Variants in MARF1 observed in about 807,000 individuals in gnomAD.
MARF1 encodes the protein meiosis regulator and mRNA stability factor 1.
Under a neutral mutation model 168.2 loss-of-function variants are expected in MARF1, and 24 were observed. The observed-to-expected ratio is 0.14, with a 90% confidence interval of 0.10 to 0.20. The LOEUF (loss-of-function observed/expected upper bound fraction) is 0.20. MARF1 is among the 10% of genes least tolerant of loss of function. MARF1 has a pLI of 1.00. For missense variants in MARF1, 1,744 were observed against 2,143.6 expected (o/e 0.81, Z 3.68); for synonymous variants, 868 against 822.4 (o/e 1.06, Z -0.95).
At chr16:15,635,098 G>T in intron 3 of MARF1, 167 bp from the exon 4 acceptor site, 1 of 571,616 alleles carries the variant, frequency 1.7e-6, no homozygotes, top group Non-Finnish European at 3.0e-6. Flanking sequence ...TTAGCTATCA[G>T]TTCATAAATT....
At chr16:15,599,067 C>G in intron 25 of MARF1, 43 bp from the exon 26 acceptor site, 1 of 1,588,092 alleles carries the variant, frequency 6.3e-7, no homozygotes, top group Non-Finnish European at 8.6e-7. Context: ...GACCTCCACG[C>G]CCACCCCCAG....
At chr16:15,613,688 T>TAAATAAATAAAA (rs1218152752) in intron 16 of MARF1, among the ~76,000 whole-genome samples, 1 of 143,940 alleles carries the variant, frequency 6.9e-6, no homozygotes, top group African/African-American at 2.6e-5. Context: ...AATAAATAAA[T>TAAATAAATAAAA]AAAATAAAAT....
rs949052348 is a variant in MARF1 at position 15,631,492 on chromosome 16, C to T, written c.1240G>A (p.Val414Ile). 4.4e-6 allele frequency: 7 copies of T among 1,606,832 alleles called. No individual in the cohort carries two copies. Among genetic ancestry groups the T allele is most frequent in the African/African-American group, 1.3e-5 (1 of 74,816 alleles). Residue 414 changes from valine (V) to isoleucine (I), a missense_variant, in exon 6 of 27, where the codon GTT (valine) becomes ATT (isoleucine). Physicochemically the swap from Val to Ile is conservative, Grantham distance 29. Transcript: ENST00000396368. ...TTTGCAGTAGCATTGATGTGGGCAA[C>T]GGTTACCTGCATTAATTTATAATAA... is the stretch of plus-strand genomic sequence containing the variant. ...IQELNNCQVTVAHINATAKNA... is the reference protein window; with the variant it reads ...IQELNNCQVTIAHINATAKNA...
At chr16:15,609,322 A>G (rs889788960) in intron 20 of MARF1, among the ~76,000 whole-genome samples, 10 of 152,176 alleles carry the variant, frequency 6.6e-5, no homozygotes, top group African/African-American at 2.4e-4. Flanking sequence ...AGTTTGAATA[A>G]TCCTTTATTG....
Position 15,617,027 on chromosome 16 carries a change from C to T in MARF1, c.3077+25G>A, listed in dbSNP as rs780559102. The T allele has an allele frequency of 2.5e-6, 4 of 1,598,304 alleles. No homozygotes were observed. In the South Asian group the frequency reaches 3.4e-5, roughly 14 times the overall value. ...AAAAAGCAGAACTAGGGCATTATATCGACAAAGGCTTTGAGATGGTTCACC... is the reference window on the plus strand; with the variant it reads ...AAAAAGCAGAACTAGGGCATTATATTGACAAAGGCTTTGAGATGGTTCACC... On this transcript the variant is annotated intron_variant, in intron 15 of 26. Transcript: ENST00000396368.
chr16:15,609,165 G>A (rs922759697), intron 20 of MARF1, among the ~76,000 whole-genome samples: 1 of 152,166 alleles, frequency 6.6e-6, no homozygotes, highest in African/African-American at 2.4e-5. Flanking sequence ...GCTTGAACCC[G>A]CAGGCGGAGG....
chr16:15,612,907 C>G (rs1417989856), intron 16 of MARF1, 130 bp from the exon 17 acceptor site: 1 of 681,914 alleles, frequency 1.5e-6, no homozygotes, highest in African/African-American at 1.8e-5. Context: ...ACAGTAGCTG[C>G]TTTACGTCTC....
chr16:15,611,320 G>A (rs1053881525), intron 18 of MARF1, among the ~76,000 whole-genome samples: 3 of 151,986 alleles, frequency 2.0e-5, no homozygotes, highest in African/African-American at 7.2e-5. Flanking sequence ...TAAGCCGGGT[G>A]TGGTGGCGGG....
At chr16:15,626,392 A>C (rs1053425493) in intron 7 of MARF1, among the ~76,000 whole-genome samples, 1 of 152,220 alleles carries the variant, frequency 6.6e-6, no homozygotes, top group Non-Finnish European at 1.5e-5. Flanking sequence ...ATCTCAACGA[A>C]GTTGTTTTTT....
In MARF1 at chr16:15,596,488, A is replaced by G. The variant is rs2031695747; in HGVS notation, c.*205T>C. On this transcript the variant is annotated 3_prime_UTR_variant, in exon 27 of 27. Coordinates refer to ENST00000396368, the MANE Select transcript of MARF1 (RefSeq NM_014647.4). ...ACAAGTTCTTCAAATAATTGAAAAA[A>G]GAAAGAAAAAGGAAGAAGAAAAGAA... 2.4e-6 allele frequency: 1 copy of G among 424,026 alleles called. No homozygotes were observed. The highest frequency in any genetic ancestry group is 4.0e-6 in the Non-Finnish European group (1 of 247,094). 26.3% of individuals were successfully genotyped at this position (424,026 alleles called of 1,614,324 possible).
chr16:15,631,073 T>C (rs527770660), intron 6 of MARF1, among the ~76,000 whole-genome samples: 2 of 152,210 alleles, frequency 1.3e-5, no homozygotes, highest in East Asian at 3.9e-4. Flanking sequence ...GAGGTTGCAG[T>C]GAGCCGAGAT....
intron 12 of MARF1, among the ~76,000 whole-genome samples, chr16:15,621,311 T>C (rs997686324): frequency 3.3e-5 from 5 of 152,228 alleles, no homozygotes; most frequent in Admixed American, 6.5e-5. Context: ...GGTAGACTTA[T>C]GGGGCTGAGT....
At chr16:15,630,300 G>A (rs757749154) in intron 7 of MARF1, 32 bp downstream of exon 7, 10 of 1,579,140 alleles carry the variant, frequency 6.3e-6, no homozygotes, top group Non-Finnish European at 8.6e-6. Context: ...TGTAATATTG[G>A]AAAATGGCAA....
Position 15,612,737 on chromosome 16 carries a change from G to C in MARF1, c.3294C>G (p.Pro1098=), listed in dbSNP as rs750201586. 9 of 1,614,138 alleles carry C rather than the reference G, an allele frequency of 5.6e-6. No individual in the cohort carries two copies. In the Admixed American group the frequency reaches 1.2e-4, roughly 21 times the overall value. The change falls in exon 17 of 27, where the codon CCC becomes CCG. Residue 1098 remains proline, a synonymous_variant. Transcript: ENST00000396368. The stretch of plus-strand genomic sequence containing the variant: ...CTTCTCTACTGAACTGGATCAGCTG[G>C]GGGTTACCTACAGGACTCTTCGAAC... ...LLRSKSPVGN[P]QLIQFSREVI... is the part of the protein sequence containing the mutation.
Position 15,596,942 on chromosome 16 carries a change from A to C in MARF1, c.4985-5T>G. On this transcript the variant is annotated splice_polypyrimidine_tract_variant and splice_region_variant and intron_variant, in intron 26 of 26. Coordinates refer to ENST00000396368, the MANE Select transcript of MARF1 (RefSeq NM_014647.4). ...CTTGGTTTAAAATCATAATTTCTGTAAACACAGAAAAGCAAACAGATTCAG... is the reference window on the plus strand; with the variant it reads ...CTTGGTTTAAAATCATAATTTCTGTCAACACAGAAAAGCAAACAGATTCAG... 2 of 1,593,618 alleles carry C rather than the reference A, an allele frequency of 1.3e-6. No homozygotes were observed. Among genetic ancestry groups the C allele is most frequent in the Non-Finnish European group, 8.6e-7 (1 of 1,165,778 alleles).
Position 15,620,420 on chromosome 16 carries a change from A to G in MARF1, c.2720+31T>C, listed in dbSNP as rs531091829. On this transcript the variant is annotated intron_variant, in intron 13 of 26. Coordinates refer to ENST00000396368, the MANE Select transcript of MARF1 (RefSeq NM_014647.4). Reference sequence around the variant, plus strand: ...GCATGTAAGCCACCAATCAGTACTGACTGGATAAAGAAAAAATATACCTAA... The same window carrying G: ...GCATGTAAGCCACCAATCAGTACTGGCTGGATAAAGAAAAAATATACCTAA... 5 of 1,432,412 alleles carry G rather than the reference A, an allele frequency of 3.5e-6. No individual in the cohort carries two copies. In the African/African-American group the frequency reaches 5.6e-5, roughly 16 times the overall value. 88.7% of individuals were successfully genotyped at this position (1,432,412 alleles called of 1,614,324 possible).
intron 12 of MARF1, 56 bp from the exon 13 acceptor site, chr16:15,620,587 T>C (rs1363226281): frequency 1.5e-5 from 17 of 1,148,726 alleles, no homozygotes; most frequent in Admixed American, 4.6e-5. Context: ...TTACAAGTTA[T>C]ATAAACAGAG....
chr16:15,639,717 A>G (rs1032216894), intron 1 of MARF1, among the ~76,000 whole-genome samples: 3 of 152,120 alleles, frequency 2.0e-5, no homozygotes, highest in Non-Finnish European at 4.4e-5. Flanking sequence ...TCAAATCTTA[A>G]CAAACAAAAT....
intron 3 of MARF1, 161 bp downstream of exon 3, chr16:15,635,495 G>A: frequency 1.6e-6 from 1 of 639,270 alleles, no homozygotes; most frequent in South Asian, 2.2e-5. Flanking sequence ...CTTACCCTTT[G>A]TTTCTTTCAG....
Sources: allele counts gnomAD v4.1 joint callset (sites outside exome capture counted in the v4.1 genomes callset), GRCh38; gene constraint gnomAD v4.1.1; transcripts MANE v1.5; gene names NCBI Gene and HGNC (gene_info 2026-07-23, HGNC 2026-07-21).